The following UTP6 variants were observed in gnomAD, a reference collection of about 807,000 sequenced individuals.
The protein encoded by UTP6 is UTP6 small subunit processome component.
UTP6 carries 60 observed loss-of-function variants against 96.5 expected under a neutral mutation model. That is an observed-to-expected ratio of 0.62 (90% confidence interval 0.51 to 0.77). The LOEUF is 0.77. Ranked by LOEUF, UTP6 falls within the 30% of genes least tolerant of loss-of-function variation. The pLI is 0.00. For missense variants in UTP6, 637 were observed against 706.5 expected (o/e 0.90, Z 1.12); for synonymous variants, 215 against 240.1 (o/e 0.90, Z 0.96).
intron 8 of UTP6, among the ~76,000 whole-genome samples, chr17:31,886,390 G>A (rs756170847): frequency 6.6e-6 from 1 of 152,170 alleles, no homozygotes; most frequent in Non-Finnish European, 1.5e-5. Context: ...CTGGCCTGGC[G>A]TGGTGACTCA....
At chr17:31,878,415 T>C (rs1340264954) in intron 12 of UTP6, 88 bp from the exon 13 acceptor site, 1 of 1,312,918 alleles carries the variant, frequency 7.6e-7, no homozygotes, top group Non-Finnish European at 1.1e-6. Flanking sequence ...TTTTGCGCAT[T>C]TCTTAAAATT....
Position 31,899,713 on chromosome 17 carries a change from G to C in UTP6, c.110C>G (p.Ala37Gly), listed in dbSNP as rs769100071. The change falls in exon 2 of 19, where the codon GCT becomes GGT. Residue 37 changes from alanine (A) to glycine (G), a missense_variant. Transcript: ENST00000261708. ...CTGGATTTTGTACTCTAGATCGGAAGCCTTCTTAATGATAGCCCTGAGGAG... is the reference window on the plus strand; with the variant it reads ...CTGGATTTTGTACTCTAGATCGGAACCCTTCTTAATGATAGCCCTGAGGAG... The part of the protein sequence containing the change: ...HAEIKAIIKK[A>G]SDLEYKIQRR... 11 of 1,598,510 alleles carry C rather than the reference G, an allele frequency of 6.9e-6. No individual in the cohort carries two copies. The highest frequency in any genetic ancestry group is 9.4e-6 in the Non-Finnish European group (11 of 1,172,352).
In UTP6 at chr17:31,863,425, C is replaced by G; in HGVS notation, c.1728G>C (p.Met576Ile). The G allele has an allele frequency of 6.2e-7, 1 of 1,614,120 alleles. No individual in the cohort carries two copies. The highest frequency in any genetic ancestry group is 8.5e-7 in the Non-Finnish European group (1 of 1,180,020). ...ATGCCTCTGCTGACTCTCCCTGCAA[C>G]ATTTTCATCGCTCGCCAGTAGATCT... ...CGQIYWRAMKMLQGESAEAFV... is the reference protein window; with the variant it reads ...CGQIYWRAMKILQGESAEAFV... Residue 576 changes from methionine (M) to isoleucine (I), a missense_variant, in exon 19 of 19, where the codon ATG (methionine) becomes ATC (isoleucine). Physicochemically the swap from Met to Ile is conservative, Grantham distance 10 (BLOSUM62 1). Transcript: ENST00000261708.
chr17:31,881,731 T>G (rs933662694), intron 10 of UTP6, among the ~76,000 whole-genome samples: 1 of 150,846 alleles, frequency 6.6e-6, no homozygotes, highest in Non-Finnish European at 1.5e-5. Context: ...ATAGGGTCTG[T>G]CACCCAGGCT....
chr17:31,873,035 G>A (rs1910278314), intron 16 of UTP6: 1 of 217,900 alleles, frequency 4.6e-6, no homozygotes, highest in Non-Finnish European at 9.1e-6. Context: ...CAGATCACCT[G>A]AGGTTAGGAG....
intron 10 of UTP6, among the ~76,000 whole-genome samples, chr17:31,881,170 C>CAA (rs941055533): frequency 2.5e-5 from 3 of 119,998 alleles, no homozygotes; most frequent in Admixed American, 1.8e-4. Context: ...GACTCTGTCT[C>CAA]AAAAAAAAAA....
chr17:31,890,029 T>C (rs563364615), intron 6 of UTP6, among the ~76,000 whole-genome samples: 1 of 152,226 alleles, frequency 6.6e-6, no homozygotes, highest in Non-Finnish European at 1.5e-5. Context: ...TTTCTTTTTT[T>C]GAGACAGGGT....
chr17:31,885,831 A>G, intron 9 of UTP6, 149 bp downstream of exon 9: 2 of 653,964 alleles, frequency 3.1e-6, no homozygotes, highest in South Asian at 4.0e-5. Flanking sequence ...TAGCCTAGGA[A>G]AAATAAGTAT....
intron 4 of UTP6, among the ~76,000 whole-genome samples, chr17:31,894,114 C>G (rs1483244783): frequency 6.6e-6 from 1 of 151,260 alleles, no homozygotes; most frequent in Non-Finnish European, 1.5e-5. Context: ...ACCAAAAATA[C>G]AAAAATTAGC....
chr17:31,867,972 C>G (rs1909922508), intron 17 of UTP6, 74 bp downstream of exon 17: 3 of 1,508,974 alleles, frequency 2.0e-6, no homozygotes, highest in Admixed American at 1.9e-5. Context: ...AACAAAAAAA[C>G]AAAAAACAGT....
In UTP6 at chr17:31,878,774, C is replaced by A. The variant is rs762580181; in HGVS notation, c.975G>T (p.Met325Ile). Residue 325 changes from methionine (M) to isoleucine (I), a missense_variant, in exon 12 of 19, where the codon ATG (methionine) becomes ATT (isoleucine). Physicochemically the swap from Met to Ile is conservative, Grantham distance 10 (BLOSUM62 1). Transcript: ENST00000261708. Reference sequence around the variant, plus strand: ...AGCAAAAGGTGATGTAACACTTCCACATGGCCTCTGGAAAAGTCAGAAAGA... The same window carrying A: ...AGCAAAAGGTGATGTAACACTTCCAAATGGCCTCTGGAAAAGTCAGAAAGA... The part of the protein sequence containing the change: ...EAVKTLPTEA[M>I]WKCYITFCLE... 1.2e-6 allele frequency: 2 copies of A among 1,613,974 alleles called. No individual in the cohort carries two copies. Among genetic ancestry groups the A allele is most frequent in the Non-Finnish European group, 8.5e-7 (1 of 1,180,002 alleles).
chr17:31,879,964 G>A (rs2142304127), intron 11 of UTP6, among the ~76,000 whole-genome samples: 1 of 152,132 alleles, frequency 6.6e-6, no homozygotes, highest in Admixed American at 6.6e-5. Context: ...AAATTAGCCA[G>A]GCATCGTGGC....
chr17:31,863,411 G>A lies in UTP6; in HGVS notation c.1742C>T (p.Ser581Leu), dbSNP rs1250237694. Residue 581 changes from serine (S) to leucine (L), a missense_variant, in exon 19 of 19, where the codon TCA (serine) becomes TTA (leucine). Physicochemically the swap from Ser to Leu is moderately radical, Grantham distance 145. Transcript: ENST00000261708. ...ATGTTTAGCTACAAATGCCTCTGCT[G>A]ACTCTCCCTGCAACATTTTCATCGC... ...WRAMKMLQGE[S>L]AEAFVAKHAM... The A allele has an allele frequency of 1.9e-6, 3 of 1,614,000 alleles. No individual in the cohort carries two copies. The highest frequency in any genetic ancestry group is 2.5e-6 in the Non-Finnish European group (3 of 1,180,016).
rs1567788825 is a variant in UTP6 at position 31,887,326 on chromosome 17, A to C, written c.544-13T>G. ...CCATCCTAAAGTACTACAGAAGAGA[A>C]ATAAACTGAAAATCTTTGGAGATGC... On this transcript the variant is annotated splice_polypyrimidine_tract_variant and intron_variant, in intron 7 of 18. Transcript: ENST00000261708. The C allele has an allele frequency of 1.2e-5, 20 of 1,611,654 alleles. No homozygotes were observed. The highest frequency in any genetic ancestry group is 1.7e-5 in the Non-Finnish European group (20 of 1,178,370).
chr17:31,863,612 A>G, intron 18 of UTP6, 96 bp from the exon 19 acceptor site: 1 of 1,081,134 alleles, frequency 9.2e-7, no homozygotes, highest in Non-Finnish European at 1.3e-6. Context: ...AAGAAACTTA[A>G]CTTCTCATTG....
At chr17:31,896,154 TGCAACCTCCGCCTC>T (rs1437138539) in intron 2 of UTP6, among the ~76,000 whole-genome samples, 1 of 152,008 alleles carries the variant, frequency 6.6e-6, no homozygotes, top group Non-Finnish European at 1.5e-5. Flanking sequence ...CTAGGCTCAC[TGCAACCTCCGCCTC>T]CCGGATTCAA....
intron 16 of UTP6, among the ~76,000 whole-genome samples, chr17:31,871,150 C>T (rs1008314769): frequency 1.3e-5 from 2 of 151,906 alleles, no homozygotes; most frequent in South Asian, 2.1e-4. Flanking sequence ...CCACCACGCC[C>T]GGCTAATTTT....
intron 17 of UTP6, 61 bp downstream of exon 17, chr17:31,867,985 G>A: frequency 1.3e-6 from 2 of 1,542,526 alleles, no homozygotes; most frequent in Non-Finnish European, 8.9e-7. Context: ...AAAACAGTCT[G>A]ATAGATTAGT....
chr17:31,864,350 G>A (rs1250979643), intron 18 of UTP6, among the ~76,000 whole-genome samples: 1 of 152,136 alleles, frequency 6.6e-6, no homozygotes, highest in Non-Finnish European at 1.5e-5. Context: ...TTGCGCCACT[G>A]CACTCCAGCC....
Sources: allele counts gnomAD v4.1 joint callset (sites outside exome capture counted in the v4.1 genomes callset), GRCh38; gene constraint gnomAD v4.1.1; transcripts MANE v1.5; gene names NCBI Gene and HGNC (gene_info 2026-07-23, HGNC 2026-07-21).